Variants in BACH1 observed in about 807,000 individuals in gnomAD.
BACH1 encodes BTB domain and CNC homolog 1.
Under a neutral mutation model 52.9 loss-of-function variants are expected in BACH1, and 35 were observed. That is an observed-to-expected ratio of 0.66 (90% CI 0.51 to 0.88). The LOEUF is 0.88. Among genes scored for constraint, BACH1 ranks in the 40% least tolerant of loss-of-function variants. BACH1 has a pLI of 0.00. For synonymous variants in BACH1, 321 were observed against 319.6 expected (o/e 1.00, Z -0.05); for missense variants, 808 against 872.6 (o/e 0.93, Z 0.93).
chr21:29,331,926 A>C (rs1265620153), intron 4 of BACH1, among the ~76,000 whole-genome samples: 1 of 152,054 alleles, frequency 6.6e-6, no homozygotes, highest in Non-Finnish European at 1.5e-5. Context: ...TTTTAGACGG[A>C]GTCTTGCTCT....
chr21:29,346,426 T>C (rs974208666), downstream of BACH1, among the ~76,000 whole-genome samples: 5 of 152,242 alleles, frequency 3.3e-5, no homozygotes, highest in African/African-American at 9.6e-5. Flanking sequence ...TAAAAACTTA[T>C]CTGCCGAGTC....
downstream of BACH1, among the ~76,000 whole-genome samples, chr21:29,348,774 C>T (rs2089185625): frequency 6.6e-6 from 1 of 152,096 alleles, no homozygotes; most frequent in African/African-American, 2.4e-5. Flanking sequence ...AGAAAGTTGC[C>T]TCCTAGGGAT....
chr21:29,348,371 C>T (rs1422844338), downstream of BACH1, among the ~76,000 whole-genome samples: 1 of 152,040 alleles, frequency 6.6e-6, no homozygotes, highest in Non-Finnish European at 1.5e-5. Context: ...CAAGCTAATT[C>T]CCAGGTACTA....
intron 1 of BACH1, among the ~76,000 whole-genome samples, chr21:29,312,871 T>G (rs2088742148): frequency 6.6e-6 from 1 of 152,184 alleles, no homozygotes; most frequent in African/African-American, 2.4e-5. Context: ...CTAATCAGAA[T>G]TCAACTAGCT....
intron 4 of BACH1, among the ~76,000 whole-genome samples, chr21:29,339,629 GTTTT>G (rs34979217): frequency 2.0e-5 from 2 of 98,518 alleles, no homozygotes; most frequent in East Asian, 3.2e-4. Context: ...AGATGCAAAG[GTTTT>G]TTTTTTTTTT....
chr21:29,342,757 C>T lies in BACH1; in HGVS notation c.2135C>T (p.Ala712Val), dbSNP rs138836995. The change falls in exon 5 of 5, where the codon GCG becomes GTG. Residue 712 changes from alanine to valine, a missense_variant. Physicochemically the swap from Ala to Val is moderately conservative, Grantham distance 64. Transcript: ENST00000286800. ...GCCACCTCTGAGCAAGCTGGGCCTG[C>T]GGAACAGTGTCGTCAGAGTGGTGGG... ...STATSEQAGP[A>V]EQCRQSGGIS... The T allele has an allele frequency of 1.6e-4, 254 of 1,614,058 alleles. No individual in the cohort carries two copies. In the African/African-American group the frequency reaches 1.8e-3, roughly 12 times the overall value.
chr21:29,335,320 T>G (rs1373363967), intron 4 of BACH1, among the ~76,000 whole-genome samples: 1 of 152,180 alleles, frequency 6.6e-6, no homozygotes, highest in African/African-American at 2.4e-5. Flanking sequence ...AAAAGCTGTT[T>G]GTACTGCCCA....
At chr21:29,330,535 T>A (rs1388463409) in intron 4 of BACH1, among the ~76,000 whole-genome samples, 7 of 152,190 alleles carry the variant, frequency 4.6e-5, no homozygotes, top group African/African-American at 1.7e-4. Context: ...ATTAGTTTAC[T>A]CCTCTTTCTT....
intron 1 of BACH1, among the ~76,000 whole-genome samples, chr21:29,308,582 GTTTAT>G (rs1415385996): frequency 6.6e-6 from 1 of 151,818 alleles, no homozygotes; most frequent in Non-Finnish European, 1.5e-5. Flanking sequence ...CACTTTTTTT[GTTTAT>G]TTTATCTTTT....
At chr21:29,321,760 A>G (rs1241716975) in intron 2 of BACH1, among the ~76,000 whole-genome samples, 5 of 151,674 alleles carry the variant, frequency 3.3e-5, no homozygotes, top group Non-Finnish European at 7.4e-5. Flanking sequence ...TTTTGATGAA[A>G]TGACCAAATC....
intron 1 of BACH1, among the ~76,000 whole-genome samples, chr21:29,317,834 C>G (rs1217904065): frequency 6.6e-6 from 1 of 152,106 alleles, no homozygotes; most frequent in Non-Finnish European, 1.5e-5. Flanking sequence ...CTCATATAAA[C>G]TTCAGAACAT....
chr21:29,330,402 G>A (rs566980631), intron 4 of BACH1, among the ~76,000 whole-genome samples: 57 of 151,934 alleles, frequency 3.8e-4, no homozygotes, highest in Non-Finnish European at 7.2e-4. Context: ...GGATGGTCTC[G>A]ATCTCCTGAC....
chr21:29,361,109 G>A (rs995896336), intron 2 of BACH1: 3 of 152,146 alleles, frequency 2.0e-5, no homozygotes, highest in Non-Finnish European at 1.5e-5. Context: ...AACATAGTAG[G>A]GTCTCCAAAA....
In BACH1 at chr21:29,325,276, T is replaced by C. The variant is rs77326177; in HGVS notation, c.235-783T>C. On this transcript the variant is annotated intron_variant, in intron 2 of 4. Transcript: ENST00000286800. ...ATTAATATTATCTTGACCACTCTTA[T>C]AAGAACTCAGTGGTTTCAAATTAAT... 2.4e-3 allele frequency among the ~76,000 whole-genome samples: 359 copies of C among 152,288 alleles called. 2 individuals carry two copies. Among genetic ancestry groups the C allele is most frequent in the African/African-American group, 8.3e-3 (344 of 41,560 alleles).
intron 4 of BACH1, among the ~76,000 whole-genome samples, chr21:29,342,005 A>G (rs1465859000): frequency 6.6e-6 from 1 of 152,164 alleles, no homozygotes; most frequent in Non-Finnish European, 1.5e-5. Context: ...GTTTGTCACA[A>G]ACTCTTTTGA....
In BACH1 at chr21:29,358,920, G is replaced by C. The variant is rs528936852; in HGVS notation, c.472+29227G>C. The C allele has an allele frequency of 9.2e-5, 14 of 151,890 alleles. No homozygotes were observed. In the East Asian group the frequency reaches 1.4e-3, roughly 15 times the overall value. 9.4% of individuals were successfully genotyped at this position (151,890 alleles called of 1,614,324 possible). ...GTGAAACTGGCATTCTAACACAAGG[G>C]GGGTAGTATTTAAAATAGCTTTTAT... On this transcript the variant is annotated intron_variant, in intron 2 of 4. Transcript: ENST00000422809.
In BACH1 at chr21:29,321,531, T is replaced by G. The variant is rs192400504; in HGVS notation, c.234+17T>G. 61 of 1,602,864 alleles carry G rather than the reference T, an allele frequency of 3.8e-5. No individual in the cohort carries two copies. The East Asian group carries it at 1.4e-3, about 36-fold the overall frequency. ...CCAGAAGAGGTGAGAGATCCATGTT[T>G]TTGGCAATTTTAATCTACTTTTACT... On this transcript the variant is annotated intron_variant, in intron 2 of 4. Coordinates refer to ENST00000286800, the MANE Select transcript of BACH1 (RefSeq NM_001186.4).
At chr21:29,329,730 A>T in intron 4 of BACH1, 37 bp downstream of exon 4, 1 of 1,388,892 alleles carries the variant, frequency 7.2e-7, no homozygotes, top group Non-Finnish European at 9.5e-7. Flanking sequence ...TTTAAATTCC[A>T]CCACTTTCTT....
Position 29,311,631 on chromosome 21 carries a change from T to C in BACH1, c.-60-9590T>C, listed in dbSNP as rs145215522. ...GGTATTACTGTGGGTGATGATTTCG[T>C]TTACTCTACTATCCCCCCACATGTA... On this transcript the variant is annotated intron_variant, in intron 1 of 4. Transcript: ENST00000286800. Among the ~76,000 whole-genome samples the C allele has an allele frequency of 2.0e-3, 297 of 152,294 alleles. 3 individuals are homozygous for C. Among genetic ancestry groups the C allele is most frequent in the African/African-American group, 7.0e-3 (289 of 41,572 alleles).
Sources: allele counts gnomAD v4.1 joint callset (sites outside exome capture counted in the v4.1 genomes callset), GRCh38; gene constraint gnomAD v4.1.1; transcripts MANE v1.5; gene names NCBI Gene and HGNC (gene_info 2026-07-23, HGNC 2026-07-21).